Variants in RIMS2 observed in about 807,000 individuals in gnomAD.
RIMS2 encodes the protein regulating synaptic membrane exocytosis 2.
RIMS2 carries 59 observed loss-of-function variants against 174.4 expected under a neutral mutation model. The ratio of observed to expected loss-of-function variants is 0.34; its 90% CI spans 0.27 to 0.42. The LOEUF (loss-of-function observed/expected upper bound fraction) is 0.42, where lower values mean the gene tolerates loss of function less well. Among genes scored for constraint, RIMS2 ranks in the 10% least tolerant of loss-of-function variants. The pLI is 1.00. For missense variants in RIMS2, 1,620 were observed against 1,666.3 expected (o/e 0.97, Z 0.48); for synonymous variants, 606 against 572.5 (o/e 1.06, Z -0.84).
chr8:104,129,652 G>A (rs1489057299), intron 19 of RIMS2, among the ~76,000 whole-genome samples: 2 of 152,146 alleles, frequency 1.3e-5, no homozygotes, highest in Admixed American at 1.3e-4. Context: ...ACATACAGAT[G>A]GGCAGATATT....
chr8:103,782,626 T>C (rs1052022835), intron 3 of RIMS2, among the ~76,000 whole-genome samples: 2 of 152,162 alleles, frequency 1.3e-5, no homozygotes, highest in Non-Finnish European at 2.9e-5. Context: ...TCAGCAGGTA[T>C]TAGGGTTTTA....
At chr8:103,758,197 C>T (rs2098053919) in intron 2 of RIMS2, among the ~76,000 whole-genome samples, 1 of 152,042 alleles carries the variant, frequency 6.6e-6, no homozygotes, top group Admixed American at 6.6e-5. Context: ...TTCCTCTTTC[C>T]TCTGAACTTA....
chr8:103,863,227 T>C (rs576147069), intron 3 of RIMS2, among the ~76,000 whole-genome samples: 1 of 152,310 alleles, frequency 6.6e-6, no homozygotes, highest in South Asian at 2.1e-4. Context: ...GATAATCATA[T>C]GCTTTTTGTT....
chr8:103,837,420 C>T (rs1022180381), intron 3 of RIMS2, among the ~76,000 whole-genome samples: 6 of 152,146 alleles, frequency 3.9e-5, no homozygotes, highest in Admixed American at 2.0e-4. Context: ...ATGTGCACAA[C>T]GTGCAGGTTA....
At chr8:103,617,040 C>T (rs796708846) in intron 1 of RIMS2, among the ~76,000 whole-genome samples, 23 of 152,132 alleles carry the variant, frequency 1.5e-4, no homozygotes, top group African/African-American at 5.1e-4. Context: ...TCATGTGGAA[C>T]CAAAAAGCCC....
At chr8:103,700,572 A>G (rs1390762087) in intron 2 of RIMS2, among the ~76,000 whole-genome samples, 1 of 151,916 alleles carries the variant, frequency 6.6e-6, no homozygotes, top group Admixed American at 6.6e-5. Flanking sequence ...TTGCTTTATT[A>G]TTCAACCTGA....
intron 3 of RIMS2, among the ~76,000 whole-genome samples, chr8:103,843,945 T>A (rs1171706492): frequency 6.6e-6 from 1 of 152,160 alleles, no homozygotes; most frequent in African/African-American, 2.4e-5. Context: ...TAGGAGGTAA[T>A]TGAATTGTGG....
At chr8:103,554,389 C>G (rs1176402762) in intron 1 of RIMS2, among the ~76,000 whole-genome samples, 1 of 152,048 alleles carries the variant, frequency 6.6e-6, no homozygotes, top group Non-Finnish European at 1.5e-5. Flanking sequence ...AGGACATGAA[C>G]AGATGCTTTT....
At chr8:103,763,821 T>C (rs1047150109) in intron 2 of RIMS2, among the ~76,000 whole-genome samples, 1 of 152,232 alleles carries the variant, frequency 6.6e-6, no homozygotes, top group Non-Finnish European at 1.5e-5. Context: ...ACAATACTAC[T>C]TGTACAGTCA....
At chr8:103,736,160 T>G (rs191677849) in intron 2 of RIMS2, among the ~76,000 whole-genome samples, 14 of 152,314 alleles carry the variant, frequency 9.2e-5, no homozygotes, top group African/African-American at 2.9e-4. Flanking sequence ...TCAGAGTATT[T>G]TAATGTGCAG....
chr8:103,593,556 A>G (rs147895204), intron 1 of RIMS2, among the ~76,000 whole-genome samples: 2 of 151,646 alleles, frequency 1.3e-5, no homozygotes, highest in East Asian at 3.9e-4. Context: ...CCAATCAAAT[A>G]TCTGTGTGAA....
At chr8:103,544,283 G>A (rs1387781119) in intron 1 of RIMS2, among the ~76,000 whole-genome samples, 10 of 152,144 alleles carry the variant, frequency 6.6e-5, no homozygotes, top group East Asian at 3.9e-4. Flanking sequence ...GGTGGGCAAC[G>A]CCTGCTACAG....
chr8:103,501,345 ATCT>A (rs1451001677), intron 1 of RIMS2: 5 of 194,534 alleles, frequency 2.6e-5, no homozygotes, highest in Non-Finnish European at 5.2e-5. Context: ...CTCGCTGGTC[ATCT>A]TGGCTCCGGG....
intron 3 of RIMS2, among the ~76,000 whole-genome samples, chr8:103,805,206 G>T (rs1487092203): frequency 6.6e-6 from 1 of 151,980 alleles, no homozygotes; most frequent in East Asian, 1.9e-4. Context: ...GTTTAATTTT[G>T]TGTGACCTTT....
intron 19 of RIMS2, among the ~76,000 whole-genome samples, chr8:104,101,665 T>C (rs1467824786): frequency 1.3e-5 from 2 of 152,174 alleles, no homozygotes; most frequent in African/African-American, 4.8e-5. Flanking sequence ...TTTTATTTTG[T>C]GTGTGTTAGG....
intron 19 of RIMS2, among the ~76,000 whole-genome samples, chr8:104,050,996 G>C (rs190357518): frequency 5.3e-5 from 8 of 152,208 alleles, no homozygotes; most frequent in South Asian, 2.1e-4. Flanking sequence ...AGCACTTCAG[G>C]AGTCCAAGGC....
chr8:103,618,066 G>T (rs1564035671), intron 1 of RIMS2, among the ~76,000 whole-genome samples: 1 of 152,046 alleles, frequency 6.6e-6, no homozygotes, highest in Non-Finnish European at 1.5e-5. Flanking sequence ...GTTCTCAATG[G>T]CAAAGACCAT....
intron 3 of RIMS2, among the ~76,000 whole-genome samples, chr8:103,836,351 A>AC (rs1176935933): frequency 1.3e-5 from 2 of 152,102 alleles, no homozygotes; most frequent in Non-Finnish European, 2.9e-5. Flanking sequence ...GGAGTTTGAG[A>AC]CCAGCCTGGG....
intron 19 of RIMS2, among the ~76,000 whole-genome samples, chr8:104,143,970 T>A (rs538173950): frequency 6.6e-6 from 1 of 152,214 alleles, no homozygotes; most frequent in Non-Finnish European, 1.5e-5. Flanking sequence ...ACCACTTACC[T>A]CTATTCATTC....
Sources: gnomAD v4.1 joint callset for allele counts (sites outside exome capture counted in the v4.1 genomes callset) on GRCh38, gnomAD v4.1.1 for gene constraint, MANE v1.5 for transcripts, NCBI Gene and HGNC (gene_info 2026-07-23, HGNC 2026-07-21) for gene names.